The following CACNB1 variants were observed in gnomAD, a reference collection of about 807,000 sequenced individuals.
The protein encoded by CACNB1 is voltage-dependent L-type calcium channel subunit beta-1.
A neutral mutation model predicts 71.6 loss-of-function variants in CACNB1; 29 were observed. The ratio of observed to expected loss-of-function variants is 0.40; its 90% CI spans 0.30 to 0.55. The LOEUF is 0.55. CACNB1 is among the 20% of genes least tolerant of loss of function. The pLI is 0.38. For missense variants in CACNB1, 623 were observed against 801.8 expected, an observed-to-expected ratio of 0.78 and a Z score of 2.69; for synonymous variants, 300 against 319.6, an observed-to-expected ratio of 0.94 and a Z score of 0.65.
At chr17:39,178,339 A>T in intron 11 of CACNB1, 1 of 330,040 alleles carries the variant, frequency 3.0e-6, no homozygotes, top group Non-Finnish European at 5.6e-6. Flanking sequence ...CTCCTTCTCA[A>T]CTTCTCTAAC....
At chr17:39,189,358 G>A (rs810407) in intron 3 of CACNB1, among the ~76,000 whole-genome samples, 19 of 149,764 alleles carry the variant, frequency 1.3e-4, no homozygotes, top group South Asian at 2.1e-4. Context: ...GCAAGACTCC[G>A]TCTCAAAATA....
chr17:39,183,623 C>T (rs1340166316), intron 11 of CACNB1, 90 bp downstream of exon 11: 3 of 1,038,458 alleles, frequency 2.9e-6, no homozygotes, highest in East Asian at 2.6e-5. Context: ...GATTAATTCA[C>T]GTAATTAGTA....
At position 39,175,023 on chromosome 17, in the gene CACNB1, T is replaced by TC. The variant is rs1863025901; in HGVS notation, c.*169dup. 3 of 627,374 alleles carry TC rather than the reference T, an allele frequency of 4.8e-6. No individual in the cohort carries two copies. Among genetic ancestry groups the TC allele is most frequent in the Non-Finnish European group, 8.3e-6 (3 of 362,426 alleles). 38.9% of individuals were successfully genotyped at this position (627,374 alleles called of 1,614,324 possible). On this transcript the variant is annotated 3_prime_UTR_variant, in exon 14 of 14. Coordinates refer to ENST00000394303, the MANE Select transcript of CACNB1 (RefSeq NM_000723.5). This position sits in a 1 kb window ranked among gnomAD's most constrained non-coding sequence, Gnocchi z 4.7. ...AACCGACAGCTGGGGCTTAAGGGCC[T>TC]CCCGGGAGCTGGGATGGTAACACCA...
chr17:39,186,182 T>A lies in CACNB1; in HGVS notation c.628+314A>T. On this transcript the variant is annotated intron_variant, in intron 6 of 13. Transcript: ENST00000394303. The surrounding 1 kb of genome is among the most constrained non-coding windows in gnomAD (Gnocchi z 4.1). ...AGTGAGATGAACGTGGAGACACAAG[T>A]ACAGAACGCAGGGATGGGGATGGGG... The A allele has an allele frequency of 8.0e-7, 1 of 1,254,380 alleles. No individual in the cohort carries two copies. The highest frequency in any genetic ancestry group is 1.2e-6 in the Non-Finnish European group (1 of 866,946). 77.7% of individuals were successfully genotyped at this position (1,254,380 alleles called of 1,614,324 possible). A position where few individuals can be genotyped will look rare whatever the true frequency, so the allele number is the denominator to read the frequency against.
At chr17:39,197,133 T>C (rs966093962) in intron 1 of CACNB1, among the ~76,000 whole-genome samples, 5 of 151,872 alleles carry the variant, frequency 3.3e-5, no homozygotes, top group African/African-American at 9.7e-5. Flanking sequence ...CTCAGCCCAC[T>C]GAAGCTGGTG....
At position 39,197,433 on chromosome 17, in the gene CACNB1, C is replaced by T. The variant is rs199687687; in HGVS notation, c.63G>A (p.Glu21=). 10,905 of 1,478,560 alleles carry T rather than the reference C, an allele frequency of 7.4e-3. 59 individuals are homozygous for T. Among genetic ancestry groups the T allele is most frequent in the Non-Finnish European group, 8.6e-3 (9,611 of 1,119,044 alleles). 91.6% of individuals were successfully genotyped at this position (1,478,560 alleles called of 1,614,324 possible). ...TCACCTGCGGGCTGGGGTCGAAGAC[C>T]TCCATGGGGATCTCCTGGGAGGGTG... ...PYPPSQEIPM[E]VFDPSPQGKY... Residue 21 remains glutamate (E), a synonymous_variant, in exon 1 of 14, where the codon GAG becomes GAA. Transcript: ENST00000394303.
At position 39,175,325 on chromosome 17, in the gene CACNB1, A is replaced by G. The variant is rs374654931; in HGVS notation, c.1665T>C (p.Tyr555=). 12 of 1,613,904 alleles carry G rather than the reference A, an allele frequency of 7.4e-6. No individual in the cohort carries two copies. The highest frequency in any genetic ancestry group is 1.6e-4 in the Middle Eastern group (1 of 6,062). The change falls in exon 14 of 14, where the codon TAT becomes TAC. Residue 555 remains tyrosine, a synonymous_variant. Transcript: ENST00000394303. This position sits in a 1 kb window ranked among gnomAD's most constrained non-coding sequence, Gnocchi z 4.7. Reference sequence around the variant, plus strand: ...TCCGGTTGTCGGTCAGCTCTTCCTCATAGTCTTCTTCCTCGTCCTCCCAGG... The same window carrying G: ...TCCGGTTGTCGGTCAGCTCTTCCTCGTAGTCTTCTTCCTCGTCCTCCCAGG... ...QGSWEDEEED[Y]EEELTDNRNR...
At chr17:39,181,094 A>T (rs1015534078) in intron 11 of CACNB1, among the ~76,000 whole-genome samples, 1 of 151,954 alleles carries the variant, frequency 6.6e-6, no homozygotes, top group Non-Finnish European at 1.5e-5. Context: ...ATTTTTATTT[A>T]TTTATTTATT....
intron 1 of CACNB1, among the ~76,000 whole-genome samples, chr17:39,196,800 G>T (rs1366428283): frequency 6.6e-6 from 1 of 151,046 alleles, no homozygotes; most frequent in Non-Finnish European, 1.5e-5. Flanking sequence ...GGGTGGGGGT[G>T]GGGTAAGTCA....
rs1395671967 is a variant in CACNB1, at chr17:39,194,184, C to A, written c.171+700G>T. 6.6e-6 allele frequency among the ~76,000 whole-genome samples: 1 copy of A among 152,124 alleles called. No homozygotes were observed. The highest frequency in any genetic ancestry group is 6.6e-5 in the Admixed American group (1 of 15,262). On this transcript the variant is annotated intron_variant, in intron 2 of 13. Coordinates refer to ENST00000394303, the MANE Select transcript of CACNB1 (RefSeq NM_000723.5). This position sits in a 1 kb window ranked among gnomAD's most constrained non-coding sequence, Gnocchi z 4.6. ...TGAGATGCTAAGTAGTCATAGCAAC[C>A]ACATGCCTCTCTCAGTCCCTCACCC...
chr17:39,185,079 C>T, intron 7 of CACNB1, 52 bp downstream of exon 7: 1 of 1,571,074 alleles, frequency 6.4e-7, no homozygotes, highest in Non-Finnish European at 8.8e-7. Context: ...GAAGGTCCCC[C>T]TAGCTCATCC....
At chr17:39,193,501 C>A (rs1467504673) in intron 2 of CACNB1, 1 of 451,678 alleles carries the variant, frequency 2.2e-6, no homozygotes, top group Non-Finnish European at 4.4e-6. Context: ...AGTGCCTGGC[C>A]CTGCTGGCCT....
intron 3 of CACNB1, 71 bp downstream of exon 3, chr17:39,191,403 T>C: frequency 6.8e-7 from 1 of 1,473,338 alleles, no homozygotes; most frequent in East Asian, 2.4e-5. Context: ...CCTGGTTCTG[T>C]CTGGGCTCTC....
rs2045547552 is a variant in CACNB1, at chr17:39,175,287, T to C, written c.1703A>G (p.Asn568Ser). Residue 568 changes from asparagine to serine, a missense_variant, in exon 14 of 14, where the codon AAT becomes AGT. Coordinates refer to ENST00000394303, the MANE Select transcript of CACNB1 (RefSeq NM_000723.5). The surrounding 1 kb of genome is among the most constrained non-coding windows in gnomAD (Gnocchi z 4.7). Reference sequence around the variant, plus strand: ...ACCCTCAGCGCAGTAGCGGGCCTTATTCCGGCCCCGGTTCCGGTTGTCGGT... The same window carrying C: ...ACCCTCAGCGCAGTAGCGGGCCTTACTCCGGCCCCGGTTCCGGTTGTCGGT... ...ELTDNRNRGR[N>S]KARYCAEGGG... 6.2e-7 allele frequency: 1 copy of C among 1,614,188 alleles called. No individual in the cohort carries two copies. Among genetic ancestry groups the C allele is most frequent in the Non-Finnish European group, 8.5e-7 (1 of 1,180,012 alleles).
In CACNB1 at chr17:39,186,660, G is replaced by A; in HGVS notation, c.552-88C>T. 1.3e-6 allele frequency: 2 copies of A among 1,507,878 alleles called. No homozygotes were observed. The highest frequency in any genetic ancestry group is 1.8e-6 in the Non-Finnish European group (2 of 1,092,986). The allele number at this position is 1,507,878 out of a possible 1,614,324, so 93.4% of individuals were successfully genotyped here. On this transcript the variant is annotated intron_variant, in intron 5 of 13. Coordinates refer to ENST00000394303, the MANE Select transcript of CACNB1 (RefSeq NM_000723.5). The surrounding 1 kb of genome is among the most constrained non-coding windows in gnomAD (Gnocchi z 4.1). Reference sequence around the variant, plus strand: ...TCTCACATGCGGCACCCCCGGAGGTGCTCCAGCCCCACTGGTGATGCCACA... The same window carrying A: ...TCTCACATGCGGCACCCCCGGAGGTACTCCAGCCCCACTGGTGATGCCACA...
chr17:39,195,206 G>T, intron 1 of CACNB1: 1 of 420,764 alleles, frequency 2.4e-6, no homozygotes, highest in South Asian at 4.9e-5. Flanking sequence ...AGCCCCAGAA[G>T]ACCCACACGG....
Position 39,183,883 on chromosome 17 carries a change from G to A in CACNB1, c.899-19C>T, listed in dbSNP as rs2045856756. The A allele has an allele frequency of 1.2e-6, 2 of 1,607,740 alleles. No homozygotes were observed. The highest frequency in any genetic ancestry group is 2.2e-5 in the South Asian group (2 of 90,672). On this transcript the variant is annotated intron_variant, in intron 10 of 13. Coordinates refer to ENST00000394303, the MANE Select transcript of CACNB1 (RefSeq NM_000723.5). ...ACCTCAGCTGGGGGCATGGAGTCATGTGGATGGGGGAATGTCAGGTGGCCT... is the reference window on the plus strand; with the variant it reads ...ACCTCAGCTGGGGGCATGGAGTCATATGGATGGGGGAATGTCAGGTGGCCT...
At chr17:39,180,977 A>AT (rs1056790230) in intron 11 of CACNB1, among the ~76,000 whole-genome samples, 2 of 152,182 alleles carry the variant, frequency 1.3e-5, no homozygotes, top group Non-Finnish European at 2.9e-5. Context: ...AAAAAATAAG[A>AT]TTTTTTTGAT....
At position 39,186,854 on chromosome 17, in the gene CACNB1, T is replaced by A; in HGVS notation, c.490A>T (p.Lys164Ter). 6.2e-7 allele frequency: 1 copy of A among 1,614,126 alleles called. No homozygotes were observed. The highest frequency in any genetic ancestry group is 1.1e-5 in the South Asian group (1 of 91,076). ...TGCAGCAGGCGAAGGCTGTCCAGTTTGACGGGGCTGGGAATGAAGCCAACC... is the reference window on the plus strand; with the variant it reads ...TGCAGCAGGCGAAGGCTGTCCAGTTAGACGGGGCTGGGAATGAAGCCAACC... ...CEVGFIPSPV[K>*]LDSLRLLQEQ... The change falls in exon 5 of 14, where the codon AAA becomes TAA. Residue 164 changes from lysine to a stop codon, truncating the protein, a stop_gained. Transcript: ENST00000394303. LOFTEE classifies it high-confidence loss of function. This position sits in a 1 kb window ranked among gnomAD's most constrained non-coding sequence, Gnocchi z 4.1.
Sources: allele counts gnomAD v4.1 joint callset (sites outside exome capture counted in the v4.1 genomes callset), GRCh38; gene constraint gnomAD v4.1.1; non-coding constraint Gnocchi (gnomAD v3.1); transcripts MANE v1.5; gene names NCBI Gene and HGNC (gene_info 2026-07-23, HGNC 2026-07-21).